Variants in PCDH11Y observed in about 807,000 individuals in gnomAD.
PCDH11Y encodes the protein protocadherin 11 Y-linked, also known as protocadherin-11 Y-linked.
For missense variants in PCDH11Y, 12 were observed against 224.8 expected (o/e 0.05, Z 6.05); for synonymous variants, 9 against 83.6 (o/e 0.11, Z 4.87).
chrY:5,022,998 T>C, intron 1 of PCDH11Y, among the ~76,000 whole-genome samples: 3 of 34,045 alleles, frequency 8.8e-5, no homozygotes, highest in Admixed American at 8.0e-4. Flanking sequence ...TTTGGAGTGA[T>C]ATAAACACTT....
At chrY:5,108,176 A>G (rs2124638315), downstream of PCDH11Y, among the ~76,000 whole-genome samples, 1 of 32,499 alleles carries the variant, frequency 3.1e-5, no homozygotes, top group South Asian at 7.0e-4. Flanking sequence ...TGTACTGTAT[A>G]CTTTCTCCCC....
intron 2 of PCDH11Y, among the ~76,000 whole-genome samples, chrY:5,238,843 A>G (rs2052983733): frequency 1.5e-4 from 5 of 33,806 alleles, no homozygotes; most frequent in Admixed American, 1.3e-3. Context: ...ATCACTGGCC[A>G]TCAGAGAAAT....
chrY:5,022,749 A>G (rs2052572082), intron 1 of PCDH11Y, among the ~76,000 whole-genome samples: 1 of 33,458 alleles, frequency 3.0e-5, no homozygotes, highest in African/African-American at 1.2e-4. Flanking sequence ...AAACAGCAGT[A>G]TTCATTTTCT....
intron 3 of PCDH11Y, among the ~76,000 whole-genome samples, chrY:5,575,065 C>A (rs1602945324): frequency 3.0e-5 from 1 of 33,541 alleles, no homozygotes; most frequent in African/African-American, 1.2e-4. Context: ...AATCTAAGAC[C>A]TTAAACTATG....
At chrY:5,494,372 T>C in intron 2 of PCDH11Y, among the ~76,000 whole-genome samples, 1 of 33,395 alleles carries the variant, frequency 3.0e-5, no homozygotes, top group Admixed American at 2.8e-4. Flanking sequence ...ACAATAACAT[T>C]ACTGAAAGAA....
At chrY:5,375,224 A>T in intron 2 of PCDH11Y, among the ~76,000 whole-genome samples, 1 of 33,184 alleles carries the variant, frequency 3.0e-5, no homozygotes, top group Non-Finnish European at 7.4e-5. Flanking sequence ...CATCCTTGCC[A>T]ACATTTGGTA....
chrY:5,421,533 C>G (rs2053258356), intron 2 of PCDH11Y, among the ~76,000 whole-genome samples: 45 of 30,542 alleles, frequency 1.5e-3, no homozygotes, highest in African/African-American at 5.7e-3. Flanking sequence ...AATTCAGCCA[C>G]ATATTTAAGG....
chrY:5,325,055 C>T, intron 2 of PCDH11Y, among the ~76,000 whole-genome samples: 3 of 32,539 alleles, frequency 9.2e-5, no homozygotes, highest in Admixed American at 2.8e-4. Flanking sequence ...CACAAGGTAA[C>T]GTCACCAGTT....
At chrY:5,449,060 T>C in intron 2 of PCDH11Y, among the ~76,000 whole-genome samples, 6 of 32,895 alleles carry the variant, frequency 1.8e-4, no homozygotes, top group African/African-American at 7.2e-4. Context: ...CAGTCAACAG[T>C]AGGCTATTAG....
chrY:5,102,019 C>T (rs2124637126), downstream of PCDH11Y, among the ~76,000 whole-genome samples: 8 of 33,175 alleles, frequency 2.4e-4, no homozygotes, highest in Middle Eastern at 0.015. Context: ...ACACAGTGAA[C>T]GTAAGGTACT....
chrY:5,116,999 TACTAACAGATAGAG>T, intron 2 of PCDH11Y, among the ~76,000 whole-genome samples: 1 of 32,522 alleles, frequency 3.1e-5, no homozygotes, highest in African/African-American at 1.2e-4. Context: ...GTGTTAGATA[TACTAACAGATAGAG>T]ACTTGTCCTA....
At chrY:5,348,293 C>G (rs2124669949) in intron 2 of PCDH11Y, among the ~76,000 whole-genome samples, 4 of 32,137 alleles carry the variant, frequency 1.2e-4, no homozygotes, top group Admixed American at 1.2e-3. Flanking sequence ...GGCCATCCAC[C>G]ACACACTCTT....
intron 1 of PCDH11Y, among the ~76,000 whole-genome samples, chrY:5,028,045 A>G: frequency 1.2e-4 from 4 of 33,669 alleles, no homozygotes; most frequent in African/African-American, 2.3e-4. Context: ...TGCAAATTAA[A>G]TTTGCGTATG....
chrY:5,235,594 A>G, intron 2 of PCDH11Y, among the ~76,000 whole-genome samples: 17 of 32,383 alleles, frequency 5.2e-4, no homozygotes, highest in Non-Finnish European at 1.2e-3. Context: ...AAGCGGAATG[A>G]TTTTATTCTT....
At chrY:5,043,611 T>C (rs2052621372) in intron 3 of PCDH11Y, among the ~76,000 whole-genome samples, 1 of 33,641 alleles carries the variant, frequency 3.0e-5, no homozygotes, top group Non-Finnish European at 7.4e-5. Flanking sequence ...GGTATCAGGA[T>C]GATGCTGGCC....
At chrY:5,137,601 A>AAT (rs2052842186) in intron 2 of PCDH11Y, among the ~76,000 whole-genome samples, 1 of 32,521 alleles carries the variant, frequency 3.1e-5, no homozygotes, top group East Asian at 8.3e-4. Context: ...TGGAAACCAA[A>AAT]AGCAACTAGG....
At chrY:5,119,202 C>T in intron 2 of PCDH11Y, among the ~76,000 whole-genome samples, 2 of 34,187 alleles carry the variant, frequency 5.9e-5, no homozygotes, top group Non-Finnish European at 1.5e-4. Context: ...TTCCTATGAA[C>T]ACATCAGTTG....
At chrY:5,430,983 T>G in intron 2 of PCDH11Y, among the ~76,000 whole-genome samples, 1 of 32,263 alleles carries the variant, frequency 3.1e-5, no homozygotes, top group Non-Finnish European at 7.6e-5. Context: ...ACTTCCTTTC[T>G]GAATTTTTAA....
At chrY:5,044,836 T>A in intron 3 of PCDH11Y, among the ~76,000 whole-genome samples, 1 of 33,348 alleles carries the variant, frequency 3.0e-5, no homozygotes, top group South Asian at 6.9e-4. Context: ...TAGCTCTTCT[T>A]GTTGAATTGA....
Sources: gnomAD v4.1 joint callset for allele counts (sites outside exome capture counted in the v4.1 genomes callset) on GRCh38, gnomAD v4.1.1 for gene constraint, MANE v1.5 for transcripts, NCBI Gene and HGNC (gene_info 2026-07-23, HGNC 2026-07-21) for gene names.